TLK1: variants seen among roughly 807,000 people sequenced by gnomAD.
The protein encoded by TLK1 is serine/threonine-protein kinase tousled-like 1.
A neutral mutation model predicts 105.3 loss-of-function variants in TLK1; 24 were observed. That is an observed-to-expected ratio of 0.23 (90% CI 0.17 to 0.32). The LOEUF is 0.32. Ranked by LOEUF, TLK1 falls within the 10% of genes least tolerant of loss-of-function variation. The pLI is 1.00. For synonymous variants in TLK1, 321 were observed against 310.4 expected (o/e 1.03, Z -0.36); for missense variants, 558 against 910.5 (o/e 0.61, Z 4.98).
intron 1 of TLK1, among the ~76,000 whole-genome samples, chr2:171,194,397 T>C (rs1693219848): frequency 6.6e-6 from 1 of 152,228 alleles, no homozygotes; most frequent in Non-Finnish European, 1.5e-5. Context: ...TTTTTTCCCA[T>C]ACATGAGCAA....
At chr2:171,070,680 T>C (rs1458670297) in intron 3 of TLK1, among the ~76,000 whole-genome samples, 1 of 152,256 alleles carries the variant, frequency 6.6e-6, no homozygotes, top group Non-Finnish European at 1.5e-5. Context: ...CATCTGTTGA[T>C]GGATGCTTGG....
At position 171,006,243 on chromosome 2, in the gene TLK1, A is replaced by T. The variant is rs1260958324; in HGVS notation, c.1808T>A (p.Ile603Asn). 6.2e-7 allele frequency: 1 copy of T among 1,609,954 alleles called. No homozygotes were observed. Among genetic ancestry groups the T allele is most frequent in the Admixed American group, 1.7e-5 (1 of 59,188 alleles). The change falls in exon 18 of 21, where the codon ATC becomes AAC. Residue 603 changes from isoleucine to asparagine, a missense_variant. By Grantham distance (149) the Ile-to-Asn change is moderately radical. This residue lies in a region of TLK1 where 218 missense variants were observed against 492.9 expected (regional missense o/e 0.44). Transcript: ENST00000431350. Reference sequence around the variant, plus strand: ...GGACAGACCAAAATCAGTGATTTTGATTTCACCACATGCTGTTCCATCTAC... The same window carrying T: ...GGACAGACCAAAATCAGTGATTTTGTTTTCACCACATGCTGTTCCATCTAC... ...LLVDGTACGE[I>N]KITDFGLSKI...
intron 11 of TLK1, among the ~76,000 whole-genome samples, chr2:171,033,852 T>A (rs572665005): frequency 5.4e-5 from 8 of 149,228 alleles, no homozygotes; most frequent in African/African-American, 2.0e-4. Flanking sequence ...AGAAAATATC[T>A]GCAAATCATA....
At chr2:171,061,760 A>C (rs560780894) in intron 3 of TLK1, among the ~76,000 whole-genome samples, 7 of 152,360 alleles carry the variant, frequency 4.6e-5, no homozygotes, top group Admixed American at 2.0e-4. Flanking sequence ...GTATGATCGA[A>C]CCATAGCTTT....
At chr2:171,222,665 C>A (rs1693829838) in intron 1 of TLK1, among the ~76,000 whole-genome samples, 1 of 152,016 alleles carries the variant, frequency 6.6e-6, no homozygotes, top group Non-Finnish European at 1.5e-5. Context: ...AATTTTGATA[C>A]AACCATATAA....
intron 1 of TLK1, among the ~76,000 whole-genome samples, chr2:171,203,497 C>T (rs1693441484): frequency 6.6e-6 from 1 of 152,162 alleles, no homozygotes; most frequent in Non-Finnish European, 1.5e-5. Context: ...TCAGATTCAT[C>T]CGCATTGTAG....
At chr2:171,151,744 G>C (rs935490640) in intron 1 of TLK1, among the ~76,000 whole-genome samples, 3 of 152,032 alleles carry the variant, frequency 2.0e-5, no homozygotes, top group Non-Finnish European at 1.5e-5. Context: ...CAAAGTGCTG[G>C]GATTACAGGC....
upstream of TLK1, among the ~76,000 whole-genome samples, chr2:171,165,801 C>G (rs111644410): frequency 1.3e-5 from 2 of 151,846 alleles, no homozygotes; most frequent in Non-Finnish European, 2.9e-5. Flanking sequence ...ATCCCAGCTA[C>G]TCAGGAGGCT....
chr2:171,044,939 A>C (rs1415903982), intron 11 of TLK1, among the ~76,000 whole-genome samples: 1 of 152,198 alleles, frequency 6.6e-6, no homozygotes, highest in Non-Finnish European at 1.5e-5. Context: ...CTGGAAGACA[A>C]GGCAGAAGAG....
chr2:171,021,672 T>C (rs898810469), intron 12 of TLK1, among the ~76,000 whole-genome samples: 3 of 152,156 alleles, frequency 2.0e-5, no homozygotes, highest in African/African-American at 7.2e-5. Flanking sequence ...GTTTTCTCTT[T>C]TTTGTGAAAG....
intron 1 of TLK1, among the ~76,000 whole-genome samples, chr2:171,145,168 C>T (rs531000517): frequency 1.3e-5 from 2 of 151,852 alleles, no homozygotes; most frequent in South Asian, 2.1e-4. Flanking sequence ...ATTAGCCAGG[C>T]GTGGAGATGC....
intron 1 of TLK1, among the ~76,000 whole-genome samples, chr2:171,133,978 T>A (rs538221138): frequency 7.9e-5 from 12 of 152,180 alleles, no homozygotes; most frequent in African/African-American, 2.9e-4. Flanking sequence ...ACTACAGAGA[T>A]GTGCCACCAT....
intron 2 of TLK1, among the ~76,000 whole-genome samples, chr2:171,090,990 C>T (rs1173829320): frequency 6.6e-6 from 1 of 152,184 alleles, no homozygotes; most frequent in Non-Finnish European, 1.5e-5. Flanking sequence ...AAAAGATGGC[C>T]ATCATATCAG....
intron 18 of TLK1, among the ~76,000 whole-genome samples, chr2:171,004,417 T>C (rs1439090149): frequency 6.6e-6 from 1 of 152,112 alleles, no homozygotes; most frequent in Admixed American, 6.5e-5. Flanking sequence ...CAAGGTCAGC[T>C]GTACATAGCT....
At chr2:171,067,613 C>CT (rs146506132) in intron 3 of TLK1, among the ~76,000 whole-genome samples, 20,094 of 151,492 alleles carry the variant, frequency 0.13, 1,582 homozygotes, top group East Asian at 0.22. Context: ...ACCAATACAA[C>CT]TTTTTTTTTA....
upstream of TLK1, among the ~76,000 whole-genome samples, chr2:171,162,075 A>T (rs1486706189): frequency 6.6e-6 from 1 of 152,216 alleles, no homozygotes; most frequent in Non-Finnish European, 1.5e-5. Context: ...AAACTATCAT[A>T]CTAGAAAAGA....
chr2:171,071,819 AC>A (rs1372696418), intron 3 of TLK1, among the ~76,000 whole-genome samples: 22 of 152,140 alleles, frequency 1.4e-4, no homozygotes, highest in Admixed American at 1.4e-3. Context: ...TTTTCCCTGC[AC>A]CATTTATTGA....
At chr2:171,123,303 T>G (rs1331077877) in intron 1 of TLK1, among the ~76,000 whole-genome samples, 2 of 151,994 alleles carry the variant, frequency 1.3e-5, no homozygotes, top group African/African-American at 2.4e-5. Flanking sequence ...TTCAAGAGAT[T>G]CTCCCACCTC....
At chr2:171,102,022 T>C (rs190185725) in intron 2 of TLK1, among the ~76,000 whole-genome samples, 10 of 152,328 alleles carry the variant, frequency 6.6e-5, no homozygotes, top group African/African-American at 2.2e-4. Flanking sequence ...AGAGTCTCTA[T>C]TTCTATACAA....
Sources: gnomAD v4.1 joint callset for allele counts (sites outside exome capture counted in the v4.1 genomes callset) on GRCh38, gnomAD v4.1.1 for gene constraint, gnomAD v4.1.1 regional missense constraint, MANE v1.5 for transcripts, NCBI Gene and HGNC (gene_info 2026-07-23, HGNC 2026-07-21) for gene names.